Variants in MEMO1 observed in about 807,000 individuals in gnomAD.
MEMO1 encodes the protein mediator of cell motility 1.
A neutral mutation model predicts 45.2 loss-of-function variants in MEMO1; 6 were observed. The ratio of observed to expected loss-of-function variants is 0.13; its 90% CI spans 0.07 to 0.26. The LOEUF (loss-of-function observed/expected upper bound fraction) is 0.26, where lower values mean the gene tolerates loss of function less well. MEMO1 is among the 10% of genes least tolerant of loss of function. MEMO1 has a pLI of 1.00. For missense variants in MEMO1, 184 were observed against 370.5 expected (o/e 0.50, Z 4.13); for synonymous variants, 78 against 124.3 (o/e 0.63, Z 2.48).
At chr2:31,967,547 A>C (rs924164170) in intron 2 of MEMO1, among the ~76,000 whole-genome samples, 12 of 152,128 alleles carry the variant, frequency 7.9e-5, no homozygotes, top group Admixed American at 7.9e-4. Context: ...CTCCGGGCTC[A>C]AGCAATCCTC....
intron 2 of MEMO1, among the ~76,000 whole-genome samples, chr2:32,000,744 G>C (rs1301722337): frequency 6.6e-6 from 1 of 151,584 alleles, no homozygotes; most frequent in Non-Finnish European, 1.5e-5. Context: ...CACCAGCTGT[G>C]CTTTGTTACT....
intron 2 of MEMO1, among the ~76,000 whole-genome samples, chr2:31,975,642 G>T (rs534235561): frequency 6.6e-6 from 1 of 152,266 alleles, no homozygotes; most frequent in South Asian, 2.1e-4. Context: ...TCTAAACTCT[G>T]ATACATTTAA....
intron 2 of MEMO1, among the ~76,000 whole-genome samples, chr2:31,945,524 G>A (rs565795023): frequency 3.9e-5 from 6 of 152,176 alleles, no homozygotes; most frequent in Admixed American, 1.3e-4. Flanking sequence ...TGTACTCCCC[G>A]ACCCCCTTTT....
intron 6 of MEMO1, among the ~76,000 whole-genome samples, chr2:31,895,566 A>G (rs1027179936): frequency 1.5e-4 from 23 of 152,192 alleles, no homozygotes; most frequent in Non-Finnish European, 3.2e-4. Context: ...ACAGATAAAG[A>G]AATTAACCAA....
At chr2:32,010,078 C>G in intron 2 of MEMO1, 109 bp downstream of exon 2, 1 of 436,890 alleles carries the variant, frequency 2.3e-6, no homozygotes, top group Non-Finnish European at 3.0e-6. Flanking sequence ...CCCGTCCGCG[C>G]CCTCTTCCCC....
At chr2:31,918,386 G>T (rs566634547) in intron 5 of MEMO1, among the ~76,000 whole-genome samples, 1 of 152,188 alleles carries the variant, frequency 6.6e-6, no homozygotes, top group South Asian at 2.1e-4. Flanking sequence ...TTCGGGTCTA[G>T]GCTTTTCCTT....
intron 2 of MEMO1, among the ~76,000 whole-genome samples, chr2:31,981,154 A>G (rs1670588203): frequency 6.6e-6 from 1 of 152,252 alleles, no homozygotes; most frequent in Non-Finnish European, 1.5e-5. Flanking sequence ...CCATTACTAA[A>G]GAAGACTGAC....
intron 2 of MEMO1, among the ~76,000 whole-genome samples, chr2:31,995,893 T>C (rs963529572): frequency 1.3e-5 from 2 of 152,094 alleles, no homozygotes; most frequent in African/African-American, 4.8e-5. Context: ...AAAGACACAC[T>C]ATATTCAGAG....
In MEMO1 at chr2:31,986,946, GGGCCCTAAAGTAAAGA is replaced by G. The variant is rs1489831016; in HGVS notation, c.61+23225_61+23240del. On this transcript the variant is annotated intron_variant, in intron 2 of 9. Coordinates refer to ENST00000404530, the MANE Select transcript of MEMO1 (RefSeq NM_001301833.4). ...TCGGAAGAGAGAACAGCAAATGCAAGGGCCCTAAAGTAAAGAGTGTAGCATGTTGCAACAATTAGGG... is the reference window on the plus strand; with the variant it reads ...TCGGAAGAGAGAACAGCAAATGCAAGGTGTAGCATGTTGCAACAATTAGGG... Among the ~76,000 whole-genome samples, 25 of 152,286 alleles carry G rather than the reference GGGCCCTAAAGTAAAGA, an allele frequency of 1.6e-4. No homozygotes were observed. The South Asian group carries it at 4.6e-3, about 28-fold the overall frequency.
chr2:32,004,337 GA>G (rs1673780104), intron 2 of MEMO1, among the ~76,000 whole-genome samples: 1 of 151,728 alleles, frequency 6.6e-6, no homozygotes, highest in African/African-American at 2.4e-5. Context: ...CAGCCCAGTA[GA>G]AAAAAAGGGC....
Position 31,971,494 on chromosome 2 carries a change from T to C in MEMO1, c.62-28111A>G, listed in dbSNP as rs1669399031. On this transcript the variant is annotated intron_variant, in intron 2 of 9. Transcript: ENST00000404530. ...ATCCTCCTATTGTGGCCTCCCAAAG[T>C]GCTGGGATTATAGGCATGAGTCCCC... Among the ~76,000 whole-genome samples the C allele has an allele frequency of 3.9e-5, 6 of 152,260 alleles. No homozygotes were observed. The South Asian group carries it at 1.2e-3, about 32-fold the overall frequency.
chr2:31,892,597 T>C (rs917615654), intron 6 of MEMO1, among the ~76,000 whole-genome samples: 2 of 152,198 alleles, frequency 1.3e-5, no homozygotes, highest in African/African-American at 2.4e-5. Context: ...ACTTGCTCTA[T>C]AAACCTGCCA....
At chr2:31,933,649 T>C (rs900228911) in intron 3 of MEMO1, among the ~76,000 whole-genome samples, 18 of 152,074 alleles carry the variant, frequency 1.2e-4, no homozygotes, top group African/African-American at 4.3e-4. Context: ...CACAGCTGTC[T>C]ACTACAGCAA....
intron 6 of MEMO1, among the ~76,000 whole-genome samples, chr2:31,911,127 G>A (rs763958408): frequency 1.3e-5 from 2 of 152,044 alleles, no homozygotes; most frequent in Non-Finnish European, 2.9e-5. Flanking sequence ...AATCCTTCAG[G>A]AGGTGGAATG....
At chr2:31,966,909 C>T (rs541192516) in intron 2 of MEMO1, among the ~76,000 whole-genome samples, 1 of 152,070 alleles carries the variant, frequency 6.6e-6, no homozygotes, top group East Asian at 1.9e-4. Context: ...CATCTCTATA[C>T]GTTCAAACTT....
At chr2:31,922,903 T>C (rs1357490038) in intron 4 of MEMO1, among the ~76,000 whole-genome samples, 1 of 152,146 alleles carries the variant, frequency 6.6e-6, no homozygotes, top group East Asian at 1.9e-4. Flanking sequence ...ATTCCTTGTC[T>C]TTACTATTGT....
At chr2:31,981,763 G>A (rs1670664488) in intron 2 of MEMO1, among the ~76,000 whole-genome samples, 1 of 152,108 alleles carries the variant, frequency 6.6e-6, no homozygotes, top group Admixed American at 6.5e-5. Flanking sequence ...CCAACAACCA[G>A]GGGGAAAGCA....
At chr2:31,922,515 C>T (rs1020454331) in intron 4 of MEMO1, among the ~76,000 whole-genome samples, 15 of 152,056 alleles carry the variant, frequency 9.9e-5, no homozygotes, top group East Asian at 1.9e-4. Flanking sequence ...GGTACCTGTA[C>T]GGGTTTGTAA....
In MEMO1 at chr2:31,905,498, T is replaced by A. The variant is rs186324106; in HGVS notation, c.437+12428A>T. Among the ~76,000 whole-genome samples, 204 of 152,342 alleles carry A rather than the reference T, an allele frequency of 1.3e-3. 1 individual carries two copies. Among genetic ancestry groups the A allele is most frequent in the African/African-American group, 4.8e-3 (198 of 41,584 alleles). ...CTAAGAAAGGGCATACTTCAGGTAC[T>A]AGAGAGCCATTCTAAACTCTATTTT... is the stretch of plus-strand genomic sequence containing the variant. On this transcript the variant is annotated intron_variant, in intron 6 of 9. Transcript: ENST00000404530.
Sources: gnomAD v4.1 joint callset for allele counts (sites outside exome capture counted in the v4.1 genomes callset) on GRCh38, gnomAD v4.1.1 for gene constraint, MANE v1.5 for transcripts, NCBI Gene and HGNC (gene_info 2026-07-23, HGNC 2026-07-21) for gene names.